EIF3I: variants seen among roughly 807,000 people sequenced by gnomAD.
EIF3I encodes the protein TGF-beta receptor-interacting protein 1.
A neutral mutation model predicts 43.3 loss-of-function variants in EIF3I; 20 were observed. The ratio of observed to expected loss-of-function variants is 0.46; its 90% CI spans 0.32 to 0.67. EIF3I has a LOEUF of 0.67. EIF3I is among the 30% of genes least tolerant of loss of function. The probability of loss-of-function intolerance (pLI) is 0.03; values close to 1 mark genes in which losing one functional copy is unlikely to be tolerated. For missense variants in EIF3I, 279 were observed against 421.4 expected, an observed-to-expected ratio of 0.66 and a Z score of 2.96; for synonymous variants, 167 against 151.7, an observed-to-expected ratio of 1.10 and a Z score of -0.74.
At position 32,222,412 on chromosome 1, in the gene EIF3I, C is replaced by T. The variant is rs1228706196; in HGVS notation, c.-30C>T. The T allele has an allele frequency of 3.8e-6, 6 of 1,589,202 alleles. No homozygotes were observed. The highest frequency in any genetic ancestry group is 1.7e-5 in the Admixed American group (1 of 58,374). On this transcript the variant is annotated 5_prime_UTR_variant, in exon 1 of 12. The change creates a new upstream start codon in the 5' untranslated region. Transcript: ENST00000676679. ...TCGAAACCTTTTCCGGTCTTACTCACGTTGCGGCCTTCCTCGCGTCACAGC... is the reference window on the plus strand; with the variant it reads ...TCGAAACCTTTTCCGGTCTTACTCATGTTGCGGCCTTCCTCGCGTCACAGC...
exon 12 of EIF3I, chr1:32,231,316 C>T: frequency 1.1e-6 from 1 of 876,194 alleles, no homozygotes; most frequent in East Asian, 2.7e-5. Context: ...CATGGAGAAA[C>T]CTCGTCTCTA....
At chr1:32,225,474 G>A (rs1401737913) in intron 4 of EIF3I, among the ~76,000 whole-genome samples, 4 of 152,080 alleles carry the variant, frequency 2.6e-5, no homozygotes, top group African/African-American at 9.7e-5. Flanking sequence ...CAGGTGTGGT[G>A]GCTCACGCCT....
intron 4 of EIF3I, 132 bp from the exon 5 acceptor site, chr1:32,226,039 G>A (rs1639141120): frequency 1.1e-5 from 13 of 1,175,028 alleles, no homozygotes; most frequent in Non-Finnish European, 1.5e-5. Context: ...AAAAAAAAAA[G>A]AAAAGTTAAA....
At chr1:32,228,467 C>T in intron 6 of EIF3I, 32 bp from the exon 7 acceptor site, 1 of 1,574,864 alleles carries the variant, frequency 6.3e-7, no homozygotes, top group East Asian at 2.2e-5. Context: ...AGGGATTGGG[C>T]CCATTCAGTG....
At chr1:32,226,895 C>T (rs145773925) in intron 6 of EIF3I, among the ~76,000 whole-genome samples, 1,744 of 129,954 alleles carry the variant, frequency 0.013, 31 homozygotes, top group African/African-American at 0.048. Context: ...TGCAGTGGTA[C>T]GATCTCGGCT....
At chr1:32,224,658 CTTTTTT>C (rs58586351) in intron 4 of EIF3I, among the ~76,000 whole-genome samples, 183 bp downstream of exon 4, 2 of 136,338 alleles carry the variant, frequency 1.5e-5, no homozygotes, top group East Asian at 4.2e-4. Flanking sequence ...ATTAAGTTTT[CTTTTTT>C]TTTTTTTTTT....
Position 32,224,479 on chromosome 1 carries a change from AG to A in EIF3I, c.250+5del. On this transcript the variant is annotated splice_donor_5th_base_variant and intron_variant, in intron 4 of 11. Transcript: ENST00000676679. ...CGTCTCTGGGACTGTGAAACAGGTA[AG>A]CTGGGTTCATTCACCTTTTTAGCAA... is the stretch of plus-strand genomic sequence containing the variant. 6.2e-7 allele frequency: 1 copy of A among 1,612,742 alleles called. No homozygotes were observed.
At chr1:32,226,351 G>GTA (rs1200608851) in intron 5 of EIF3I, 31 bp downstream of exon 5, 13 of 1,613,880 alleles carry the variant, frequency 8.1e-6, no homozygotes, top group Admixed American at 1.7e-5. Flanking sequence ...TGGGGTTGAG[G>GTA]TAAAGGGTAC....
chr1:32,222,609 C>T lies in EIF3I; in HGVS notation c.75C>T (p.Leu25=), dbSNP rs775639469. ...AGTATAACCGCGAAGGAGACCTCCT[C>T]TTTACTGTGGCCAAGGACCCTGTGA... is the stretch of plus-strand genomic sequence containing the variant. Residue 25 remains leucine (L), a synonymous_variant, in exon 2 of 12, where the codon CTC becomes CTT. Transcript: ENST00000676679. 15 of 1,614,126 alleles carry T rather than the reference C, an allele frequency of 9.3e-6. 1 individual carries two copies. The Admixed American group carries it at 2.3e-4, about 25-fold the overall frequency.
chr1:32,228,953 G>A, intron 8 of EIF3I, 137 bp downstream of exon 8: 2 of 1,062,738 alleles, frequency 1.9e-6, no homozygotes, highest in Non-Finnish European at 1.4e-6. Flanking sequence ...GAGTGACAAA[G>A]CTGGAAGGAT....
chr1:32,222,691 G>C lies in EIF3I; in HGVS notation c.96+61G>C, dbSNP rs779407248. On this transcript the variant is annotated intron_variant, in intron 2 of 11. Transcript: ENST00000676679. ...GATCCTTCTGCCAGGACGATGGGTG[G>C]ACACGCCAGTTTTGCCGTTAGCGGG... 51 of 1,540,984 alleles carry C rather than the reference G, an allele frequency of 3.3e-5. No homozygotes were observed. In the African/African-American group the frequency reaches 4.8e-4, roughly 14 times the overall value.
intron 8 of EIF3I, 65 bp from the exon 9 acceptor site, chr1:32,229,070 A>G: frequency 1.3e-6 from 2 of 1,529,212 alleles, no homozygotes; most frequent in East Asian, 2.3e-5. Flanking sequence ...TGTATATGGC[A>G]GCAGAAAAAC....
chr1:32,224,167 C>T (rs373564398), intron 3 of EIF3I, 46 bp downstream of exon 3: 135 of 1,594,380 alleles, frequency 8.5e-5, no homozygotes, highest in Non-Finnish European at 1.1e-4. Context: ...GGTCTGTCAG[C>T]GATGGAGAGG....
intron 9 of EIF3I, 128 bp downstream of exon 9, chr1:32,229,336 C>G: frequency 1.1e-6 from 1 of 906,140 alleles, no homozygotes; most frequent in African/African-American, 1.7e-5. Flanking sequence ...TCTCTGCTCA[C>G]TGCAAGCTCT....
intron 2 of EIF3I, 56 bp from the exon 3 acceptor site, chr1:32,223,978 T>G: frequency 6.4e-7 from 1 of 1,553,138 alleles, no homozygotes. Flanking sequence ...TGGGGCAAAA[T>G]AGGAAGCCAT....
chr1:32,233,835 A>G (rs1025081237), downstream of EIF3I, among the ~76,000 whole-genome samples: 1 of 152,208 alleles, frequency 6.6e-6, no homozygotes, highest in African/African-American at 2.4e-5. Context: ...GTTCACTTGC[A>G]ATTGGCTATG....
exon 6 of EIF3I, chr1:32,226,413 G>A (rs1263243329): frequency 7.5e-6 from 12 of 1,606,196 alleles, no homozygotes; most frequent in African/African-American, 4.0e-5. Flanking sequence ...ACAACAATGA[G>A]CCCTACATGA....
intron 2 of EIF3I, among the ~76,000 whole-genome samples, chr1:32,223,650 G>A (rs1025055285): frequency 7.2e-5 from 11 of 152,224 alleles, no homozygotes; most frequent in Admixed American, 6.5e-4. Context: ...AGATCATATA[G>A]TGAGACAGTG....
chr1:32,228,664 C>T (rs970298977), intron 7 of EIF3I, 55 bp downstream of exon 7: 135 of 1,604,462 alleles, frequency 8.4e-5, no homozygotes, highest in Non-Finnish European at 1.1e-4. Context: ...CTGCACAGCT[C>T]ACCCTGCCCG....
Sources: allele counts gnomAD v4.1 joint callset (sites outside exome capture counted in the v4.1 genomes callset), GRCh38; gene constraint gnomAD v4.1.1; transcripts MANE v1.5; gene names NCBI Gene and HGNC (gene_info 2026-07-23, HGNC 2026-07-21).